CKS1B: variants seen among roughly 807,000 people sequenced by gnomAD.
The protein encoded by CKS1B is CDC28 protein kinase regulatory subunit 1B.
Under a neutral mutation model 12.2 loss-of-function variants are expected in CKS1B, and 5 were observed. The observed-to-expected ratio is 0.41, with a 90% CI of 0.21 to 0.86. The LOEUF is 0.86. Ranked by LOEUF, CKS1B falls within the 40% of genes least tolerant of loss-of-function variation. The pLI is 0.32. For missense variants in CKS1B, 53 were observed against 99.9 expected (o/e 0.53, Z 2.00); for synonymous variants, 24 against 34.4 (o/e 0.70, Z 1.06).
At chr1:154,975,023 G>T in intron 1 of CKS1B, 1 of 1,255,464 alleles carries the variant, frequency 8.0e-7, no homozygotes, top group African/African-American at 1.5e-5. Flanking sequence ...TCTCAGTAGA[G>T]AGGAGAGAGG....
chr1:154,978,401 T>G, intron 2 of CKS1B: 1 of 539,172 alleles, frequency 1.9e-6, no homozygotes, highest in East Asian at 3.0e-5. Flanking sequence ...TGCCTCATTC[T>G]CCATCGAAAA....
intron 1 of CKS1B, 157 bp downstream of exon 1, chr1:154,974,961 G>A (rs745478509): frequency 3.1e-6 from 5 of 1,609,300 alleles, no homozygotes; most frequent in South Asian, 2.2e-5. Context: ...AGGCGCATGC[G>A]CGGAGGTGGG....
intron 1 of CKS1B, among the ~76,000 whole-genome samples, chr1:154,975,986 T>C (rs948381708): frequency 2.0e-5 from 3 of 151,282 alleles, no homozygotes; most frequent in Non-Finnish European, 4.4e-5. Context: ...GGTACTATGC[T>C]TAGTACCTGG....
In CKS1B at chr1:154,974,824, C is replaced by A. The variant is rs560161902; in HGVS notation, c.59+20C>A. 6.2e-7 allele frequency: 1 copy of A among 1,613,912 alleles called. No homozygotes were observed. The highest frequency in any genetic ancestry group is 1.3e-5 in the African/African-American group (1 of 75,014). ...GTATCGGTTAGTGCTGGCGCGGGAG[C>A]AATAGCGAGGGTCGTGAGCTTTGGC... On this transcript the variant is annotated intron_variant, in intron 1 of 2. Coordinates refer to ENST00000308987, the MANE Select transcript of CKS1B (RefSeq NM_001826.3).
At position 154,974,699 on chromosome 1, in the gene CKS1B, C is replaced by G. The variant is rs777901903; in HGVS notation, c.-47C>G. On this transcript the variant is annotated 5_prime_UTR_variant, in exon 1 of 3. Coordinates refer to ENST00000308987, the MANE Select transcript of CKS1B (RefSeq NM_001826.3). ...TGGGAGCGCGTGCTGTTGGGAGTTG[C>G]TTGGAGGTTGGCGGCGCGGGGCTGA... 6.4e-7 allele frequency: 1 copy of G among 1,556,668 alleles called. No homozygotes were observed. The highest frequency in any genetic ancestry group is 8.7e-7 in the Non-Finnish European group (1 of 1,150,176).
intron 1 of CKS1B, chr1:154,977,720 T>C (rs1402251216): frequency 9.8e-6 from 4 of 408,044 alleles, no homozygotes; most frequent in Admixed American, 4.1e-5. Context: ...TAGAAGACTA[T>C]AAGGTCCATG....
intron 1 of CKS1B, 34 bp downstream of exon 1, chr1:154,974,838 G>A: frequency 1.2e-6 from 2 of 1,614,052 alleles, no homozygotes; most frequent in Non-Finnish European, 1.7e-6. Context: ...AGCGAGGGTC[G>A]TGAGCTTTGG....
intron 2 of CKS1B, 96 bp from the exon 3 acceptor site, chr1:154,978,629 G>C: frequency 5.1e-6 from 5 of 984,662 alleles, no homozygotes; most frequent in Non-Finnish European, 8.0e-6. Flanking sequence ...ATAAAGATCT[G>C]AGTGGGTGAT....
chr1:154,974,887 C>G lies in CKS1B; in HGVS notation c.59+83C>G, dbSNP rs752559024. ...AAGGAATTAGTAACAGGAACTGAGG[C>G]GATAGAATTGGCGCATGCGTACGAG... is the stretch of plus-strand genomic sequence containing the variant. On this transcript the variant is annotated intron_variant, in intron 1 of 2. Transcript: ENST00000308987. 3.7e-6 allele frequency: 6 copies of G among 1,613,930 alleles called. No homozygotes were observed. In the South Asian group the frequency reaches 6.6e-5, roughly 18 times the overall value.
At chr1:154,974,976 G>T (rs1397171411) in intron 1 of CKS1B, 172 bp downstream of exon 1, 43 of 1,597,252 alleles carry the variant, frequency 2.7e-5, no homozygotes, top group Non-Finnish European at 2.0e-5. Context: ...GGTGGGAGGC[G>T]CTCGTAAAAC....
Position 154,975,095 on chromosome 1 carries a change from A to T in CKS1B, c.59+291A>T, listed in dbSNP as rs184296266. 6.2e-4 allele frequency: 421 copies of T among 679,120 alleles called. 7 individuals are homozygous for T. In the East Asian group the frequency reaches 8.2e-3, roughly 13 times the overall value. The allele number at this position is 679,120 out of a possible 1,614,324, so 42.1% of individuals were successfully genotyped here. On this transcript the variant is annotated intron_variant, in intron 1 of 2. Transcript: ENST00000308987. ...TGAGGCTTTCTGGATCATTCTCTGA[A>T]CTTTATCGGGCAAACTTAACTTGCC...
rs1307874708 is a variant in CKS1B, at chr1:154,977,847, C to CTA, written c.60-139_60-138dup. 7.8e-6 allele frequency: 6 copies of CTA among 769,594 alleles called. No individual in the cohort carries two copies. In the East Asian group the frequency reaches 1.7e-4, roughly 21 times the overall value. 47.7% of individuals were successfully genotyped at this position (769,594 alleles called of 1,614,324 possible). Reference sequence around the variant, plus strand: ...ACATAGCCTGTATTTCTAGCTGCTGCTACCCCACAATAAAATTATATAAAC... The same window carrying CTA: ...ACATAGCCTGTATTTCTAGCTGCTGCTATACCCCACAATAAAATTATATAAAC... On this transcript the variant is annotated intron_variant, in intron 1 of 2. Transcript: ENST00000308987.
chr1:154,976,601 T>G (rs889004863), intron 1 of CKS1B, among the ~76,000 whole-genome samples: 1 of 152,224 alleles, frequency 6.6e-6, no homozygotes, highest in Non-Finnish European at 1.5e-5. Context: ...TGAACTAAAC[T>G]AACTTAAAAC....
chr1:154,976,862 A>G (rs1049908684), intron 1 of CKS1B, among the ~76,000 whole-genome samples: 2 of 152,208 alleles, frequency 1.3e-5, no homozygotes, highest in Non-Finnish European at 2.9e-5. Context: ...GTACATTTTC[A>G]TTGAGCATGA....
chr1:154,974,892 G>A (rs1657099374), intron 1 of CKS1B, 88 bp downstream of exon 1: 1 of 1,614,066 alleles, frequency 6.2e-7, no homozygotes, highest in African/African-American at 1.3e-5. Context: ...TGAGGCGATA[G>A]AATTGGCGCA....
rs1657261696 is a variant in CKS1B at position 154,979,222 on chromosome 1, T to C, written c.*445T>C. On this transcript the variant is annotated 3_prime_UTR_variant, in exon 3 of 3. Coordinates refer to ENST00000308987, the MANE Select transcript of CKS1B (RefSeq NM_001826.3). ...AGAAATCTGTTCATGTTAAAAGCCT[T>C]GATTAAAGAGGAAGTTTTTATAATC... 6.0e-6 allele frequency: 1 copy of C among 165,994 alleles called. No individual in the cohort carries two copies. Among genetic ancestry groups the C allele is most frequent in the Non-Finnish European group, 1.3e-5 (1 of 75,816 alleles). 10.3% of individuals were successfully genotyped at this position (165,994 alleles called of 1,614,324 possible). A position where few individuals can be genotyped will look rare whatever the true frequency, so the allele number is the denominator to read the frequency against.
rs1010340733 is a variant in CKS1B at position 154,979,136 on chromosome 1, T to C, written c.*359T>C. On this transcript the variant is annotated 3_prime_UTR_variant, in exon 3 of 3. Transcript: ENST00000308987. ...GTTTTTGTTTTTTCCTGCCGGGTGT[T>C]GTATGTGTGGTGACTTGCGGATTTA... is the stretch of plus-strand genomic sequence containing the variant. The C allele has an allele frequency of 2.6e-5, 6 of 232,616 alleles. No homozygotes were observed. The highest frequency in any genetic ancestry group is 5.1e-5 in the Non-Finnish European group (6 of 117,190). The allele number at this position is 232,616 out of a possible 1,614,324, so 14.4% of individuals were successfully genotyped here.
At chr1:154,977,759 A>C (rs1657226194) in intron 1 of CKS1B, 1 of 488,250 alleles carries the variant, frequency 2.0e-6, no homozygotes, top group Non-Finnish European at 3.6e-6. Flanking sequence ...CTTGAACTTA[A>C]GTGCTCATTC....
At chr1:154,975,090 T>A in intron 1 of CKS1B, 1 of 697,442 alleles carries the variant, frequency 1.4e-6, no homozygotes, top group Non-Finnish European at 2.5e-6. Context: ...TGGATCATTC[T>A]CTGAACTTTA....
Sources: allele counts gnomAD v4.1 joint callset (sites outside exome capture counted in the v4.1 genomes callset), GRCh38; gene constraint gnomAD v4.1.1; transcripts MANE v1.5; gene names NCBI Gene and HGNC (gene_info 2026-07-23, HGNC 2026-07-21).